Variants in CELF6 observed in about 807,000 individuals in gnomAD.
CELF6 encodes the protein Bruno -like 6, RNA binding protein.
Under a neutral mutation model 53.1 loss-of-function variants are expected in CELF6, and 32 were observed. The ratio of observed to expected loss-of-function variants is 0.60; its 90% CI spans 0.46 to 0.81. The LOEUF (loss-of-function observed/expected upper bound fraction) is 0.81, where lower values mean the gene tolerates loss of function less well. CELF6 is among the 30% of genes least tolerant of loss of function. CELF6 has a pLI of 0.00. For missense variants in CELF6, 539 were observed against 669.5 expected, an observed-to-expected ratio of 0.81 and a Z score of 2.15; for synonymous variants, 291 against 288.8, an observed-to-expected ratio of 1.01 and a Z score of -0.08.
chr15:72,311,839 GC>G (rs760711983), intron 2 of CELF6, among the ~76,000 whole-genome samples: 2 of 152,212 alleles, frequency 1.3e-5, no homozygotes, highest in African/African-American at 2.4e-5. Flanking sequence ...GAAAAAATGT[GC>G]CCTTTCCTCT....
chr15:72,307,676 C>G (rs1567283711), intron 2 of CELF6, among the ~76,000 whole-genome samples: 1 of 152,152 alleles, frequency 6.6e-6, no homozygotes, highest in Admixed American at 6.5e-5. Context: ...AGGCTGAAGC[C>G]CATGATTTTT....
intron 3 of CELF6, among the ~76,000 whole-genome samples, chr15:72,298,547 A>G (rs1263015648): frequency 4.6e-5 from 7 of 152,250 alleles, no homozygotes; most frequent in African/African-American, 1.7e-4. Flanking sequence ...TACCTTAGGC[A>G]TCTTGGATAC....
At chr15:72,316,287 T>C (rs536235166) in intron 1 of CELF6, among the ~76,000 whole-genome samples, 1 of 152,278 alleles carries the variant, frequency 6.6e-6, no homozygotes, top group Non-Finnish European at 1.5e-5. Flanking sequence ...AGACTTCCCC[T>C]TCCTTTTTGG....
At chr15:72,308,769 G>T (rs904184985) in intron 2 of CELF6, among the ~76,000 whole-genome samples, 15 of 151,400 alleles carry the variant, frequency 9.9e-5, no homozygotes, top group African/African-American at 3.4e-4. Flanking sequence ...GCAGTGGCGC[G>T]ATCTCAGCTC....
intron 3 of CELF6, 76 bp from the exon 4 acceptor site, chr15:72,290,331 A>C (rs1163148023): frequency 2.0e-6 from 3 of 1,510,818 alleles, no homozygotes; most frequent in Non-Finnish European, 2.7e-6. Flanking sequence ...GGAACTTAGG[A>C]AGGCAGCTCA....
At chr15:72,291,193 G>C (rs1480311401) in intron 3 of CELF6, among the ~76,000 whole-genome samples, 1 of 152,222 alleles carries the variant, frequency 6.6e-6, no homozygotes, top group Non-Finnish European at 1.5e-5. Flanking sequence ...ATGCAGGAAA[G>C]GGGCTGCAAG....
At chr15:72,297,263 C>G (rs2088093037) in intron 3 of CELF6, among the ~76,000 whole-genome samples, 1 of 152,136 alleles carries the variant, frequency 6.6e-6, no homozygotes, top group Non-Finnish European at 1.5e-5. Flanking sequence ...ACTTTGTATC[C>G]TTTGACTAAC....
Position 72,289,891 on chromosome 15 carries a change from GT to G in CELF6, c.603+47del, listed in dbSNP as rs1567277967. ...GAGCACACTCGGGGAGGAGAAGCCC[GT>G]CCCCACCCCACTGGCCTCACCCTCA... is the stretch of plus-strand genomic sequence containing the variant. On this transcript the variant is annotated intron_variant, in intron 5 of 12. Transcript: ENST00000287202. The surrounding 1 kb of genome is among the most constrained non-coding windows in gnomAD (Gnocchi z 7.6). 1.3e-6 allele frequency: 2 copies of G among 1,530,560 alleles called. No homozygotes were observed. The highest frequency in any genetic ancestry group is 4.9e-5 in the East Asian group (2 of 40,820). 94.8% of individuals were successfully genotyped at this position (1,530,560 alleles called of 1,614,324 possible).
intron 2 of CELF6, among the ~76,000 whole-genome samples, chr15:72,310,818 A>C (rs1429708541): frequency 2.0e-5 from 3 of 151,698 alleles, no homozygotes; most frequent in Admixed American, 2.0e-4. Flanking sequence ...CTAGTCTCTT[A>C]CTCTTCTCTG....
Position 72,319,663 on chromosome 15 carries a change from C to G in CELF6, c.212G>C (p.Arg71Pro). The G allele has an allele frequency of 6.3e-7, 1 of 1,580,650 alleles. No homozygotes were observed. Among genetic ancestry groups the G allele is most frequent in the South Asian group, 1.2e-5 (1 of 86,724 alleles). ...DLKPLFEEFGRIYELTVLKDR... is the reference protein window; with the variant it reads ...DLKPLFEEFGPIYELTVLKDR... ...CTTCAGCACCGTCAGCTCGTAGATG[C>G]GGCCGAACTCCTCGAACAGCGGCTT... The change falls in exon 1 of 13, where the codon CGC becomes CCC. Residue 71 changes from arginine to proline, a missense_variant. Transcript: ENST00000287202. The surrounding 1 kb of genome is among the most constrained non-coding windows in gnomAD (Gnocchi z 5.0).
Position 72,315,845 on chromosome 15 carries a change from C to T in CELF6, c.345G>A (p.Gly115=). The T allele has an allele frequency of 6.3e-7, 1 of 1,595,190 alleles. No individual in the cohort carries two copies. Among genetic ancestry groups the T allele is most frequent in the South Asian group, 1.1e-5 (1 of 87,870 alleles). ...SALHEQKTLP[G]MNRPIQVKPA... is the part of the protein sequence containing the mutation. The stretch of plus-strand genomic sequence containing the variant: ...CCACCCCCCAACCTGGAGGACTTAC[C>T]CCTGGCAGGGTCTTCTGCTCGTGCA... The change falls in exon 2 of 13, where the codon GGG becomes GGA. Residue 115 remains glycine, a splice_region_variant and synonymous_variant. Coordinates refer to ENST00000287202, the MANE Select transcript of CELF6 (RefSeq NM_052840.5).
At chr15:72,303,025 T>C (rs1184356624) in intron 3 of CELF6, among the ~76,000 whole-genome samples, 1 of 152,224 alleles carries the variant, frequency 6.6e-6, no homozygotes, top group Non-Finnish European at 1.5e-5. Flanking sequence ...AGGTACCAGG[T>C]CTGCTTTGCT....
chr15:72,293,691 A>G (rs1289765227), intron 3 of CELF6, among the ~76,000 whole-genome samples: 2 of 118,388 alleles, frequency 1.7e-5, no homozygotes, highest in African/African-American at 5.1e-5. Context: ...TCTTCTATCA[A>G]ATGCTTTTTT....
chr15:72,301,583 T>C (rs1023604284), intron 3 of CELF6, among the ~76,000 whole-genome samples: 1 of 152,276 alleles, frequency 6.6e-6, no homozygotes, highest in East Asian at 1.9e-4. Context: ...CTGGCGTAAA[T>C]ATATCTGGTC....
At chr15:72,286,458 T>C (rs964969369) in intron 12 of CELF6, 116 bp from the exon 13 acceptor site, 3 of 152,590 alleles carry the variant, frequency 2.0e-5, no homozygotes, top group Admixed American at 1.3e-4. Context: ...GGTGAGTGGC[T>C]GGACCTCTCT....
chr15:72,288,428 T>C lies in CELF6; in HGVS notation c.1198A>G (p.Ile400Val), dbSNP rs762962128. ...CCAAACTCCTGAGGCAGGTGATAGA[T>C]GAAGAGGTTACAGCCTTCGGGGCCT... is the stretch of plus-strand genomic sequence containing the variant. ...REGPEGCNLF[I>V]YHLPQEFGDA... Residue 400 changes from isoleucine (I) to valine (V), a missense_variant, in exon 11 of 13, where the codon ATC becomes GTC. Physicochemically the swap from Ile to Val is conservative, Grantham distance 29. This residue lies in a region of CELF6 where 358 missense variants were observed against 412.8 expected (regional missense o/e 0.87). Transcript: ENST00000287202. The surrounding 1 kb of genome is among the most constrained non-coding windows in gnomAD (Gnocchi z 4.6). 3.6e-5 allele frequency: 58 copies of C among 1,614,066 alleles called. No homozygotes were observed. Among genetic ancestry groups the C allele is most frequent in the Non-Finnish European group, 4.5e-5 (53 of 1,180,046 alleles).
Position 72,290,713 on chromosome 15 carries a change from T to C in CELF6, c.395-458A>G, listed in dbSNP as rs936101842. ...AGAAGTACATCCTTGCTGGTCAGCCTGATAGTGCTGGCTAGAATCAATGCC... is the reference window on the plus strand; with the variant it reads ...AGAAGTACATCCTTGCTGGTCAGCCCGATAGTGCTGGCTAGAATCAATGCC... On this transcript the variant is annotated intron_variant, in intron 3 of 12. Transcript: ENST00000287202. Among the ~76,000 whole-genome samples the C allele has an allele frequency of 4.6e-5, 7 of 152,172 alleles. 1 individual carries two copies. Among genetic ancestry groups the C allele is most frequent in the Admixed American group, 2.6e-4 (4 of 15,282 alleles).
chr15:72,317,494 TGAAGCCCAGA>T (rs1203533737), intron 1 of CELF6, among the ~76,000 whole-genome samples: 2 of 152,140 alleles, frequency 1.3e-5, no homozygotes, highest in Non-Finnish European at 2.9e-5. Flanking sequence ...ACAGGGAAAC[TGAAGCCCAGA>T]GAGTGGGTCA....
intron 3 of CELF6, among the ~76,000 whole-genome samples, chr15:72,302,646 C>T (rs1364641660): frequency 6.6e-6 from 1 of 152,192 alleles, no homozygotes; most frequent in Non-Finnish European, 1.5e-5. Context: ...GCTGCCCAAA[C>T]ACTGACAAGA....
Sources: gnomAD v4.1 joint callset for allele counts (sites outside exome capture counted in the v4.1 genomes callset) on GRCh38, gnomAD v4.1.1 for gene constraint, gnomAD v4.1.1 regional missense constraint, Gnocchi (gnomAD v3.1) non-coding constraint, MANE v1.5 for transcripts, NCBI Gene and HGNC (gene_info 2026-07-23, HGNC 2026-07-21) for gene names.